Variants in CADM4 observed in about 807,000 individuals in gnomAD.
CADM4 encodes TSLC1-like 2.
A neutral mutation model predicts 43.9 loss-of-function variants in CADM4; 13 were observed. The observed-to-expected ratio is 0.30, with a 90% CI of 0.19 to 0.47. CADM4 has a LOEUF of 0.47. Ranked by LOEUF, CADM4 falls within the 20% of genes least tolerant of loss-of-function variation. The pLI, the probability that CADM4 is intolerant of heterozygous loss-of-function variation, is 1.00. For synonymous variants in CADM4, 209 were observed against 220.9 expected (o/e 0.95, Z 0.48); for missense variants, 420 against 527.0 (o/e 0.80, Z 1.99).
intron 1 of CADM4, among the ~76,000 whole-genome samples, chr19:43,628,068 G>T (rs982687915): frequency 2.0e-5 from 3 of 152,120 alleles, no homozygotes; most frequent in Non-Finnish European, 2.9e-5. Context: ...TTATAGAATT[G>T]CCTAGAGAGA....
chr19:43,625,115 G>C lies in CADM4; in HGVS notation c.891C>G (p.His297Gln), dbSNP rs1973502331. The change falls in exon 7 of 9, where the codon CAC (histidine) becomes CAG (glutamine). Residue 297 changes from histidine to glutamine, a missense_variant. His to Gln is a conservative substitution (Grantham distance 24, BLOSUM62 0). Transcript: ENST00000222374. The surrounding 1 kb of genome is among the most constrained non-coding windows in gnomAD (Gnocchi z 4.5). ...GTYTCEASNK[H>Q]GHARALYVLV... is the part of the protein sequence containing the mutation. ...GTACGTAGAGCGCCCTCGCATGGCC[G>C]TGCTTATTGGACGCCTCGCAAGTGT... 6.4e-7 allele frequency: 1 copy of C among 1,567,528 alleles called. No individual in the cohort carries two copies. Among genetic ancestry groups the C allele is most frequent in the East Asian group, 2.4e-5 (1 of 41,054 alleles).
upstream of CADM4, chr19:43,639,868 C>T: frequency 5.1e-6 from 5 of 973,266 alleles, no homozygotes; most frequent in Non-Finnish European, 6.1e-6. Context: ...CCGCCCCCCG[C>T]GCCCCGCCCC....
chr19:43,639,721 C>A lies in CADM4; in HGVS notation c.64+6G>T. 2.0e-6 allele frequency: 2 copies of A among 1,004,388 alleles called. No homozygotes were observed. Among genetic ancestry groups the A allele is most frequent in the South Asian group, 3.9e-5 (1 of 25,856 alleles). The allele number at this position is 1,004,388 out of a possible 1,614,324, so 62.2% of individuals were successfully genotyped here. On this transcript the variant is annotated splice_donor_region_variant and intron_variant, in intron 1 of 8. Coordinates refer to ENST00000222374, the MANE Select transcript of CADM4 (RefSeq NM_145296.2). Reference sequence around the variant, plus strand: ...CCGGCCGGCCGACCCCGGCCCCCGACCCTACCTGGCCCCGCCGCGGCCGCC... The same window carrying A: ...CCGGCCGGCCGACCCCGGCCCCCGAACCTACCTGGCCCCGCCGCGGCCGCC...
In CADM4 at chr19:43,626,653, G is replaced by A; in HGVS notation, c.499+131C>T. On this transcript the variant is annotated intron_variant, in intron 4 of 8. Coordinates refer to ENST00000222374, the MANE Select transcript of CADM4 (RefSeq NM_145296.2). The surrounding 1 kb of genome is among the most constrained non-coding windows in gnomAD (Gnocchi z 5.9). ...GCTAGGACTACAGGCGTGAGCCACCGCGCTCGACATCAACCACTACATATT... is the reference window on the plus strand; with the variant it reads ...GCTAGGACTACAGGCGTGAGCCACCACGCTCGACATCAACCACTACATATT... 8.0e-7 allele frequency: 1 copy of A among 1,247,964 alleles called. No individual in the cohort carries two copies. Among genetic ancestry groups the A allele is most frequent in the East Asian group, 2.5e-5 (1 of 39,862 alleles). 77.3% of individuals were successfully genotyped at this position (1,247,964 alleles called of 1,614,324 possible).
At chr19:43,637,153 T>C (rs1973715652) in intron 1 of CADM4, among the ~76,000 whole-genome samples, 1 of 152,096 alleles carries the variant, frequency 6.6e-6, no homozygotes, top group Non-Finnish European at 1.5e-5. Flanking sequence ...GGCATAAATC[T>C]CATCTTCTTC....
chr19:43,631,256 G>A (rs544201928), intron 1 of CADM4, among the ~76,000 whole-genome samples: 2 of 151,944 alleles, frequency 1.3e-5, no homozygotes, highest in East Asian at 1.9e-4. Flanking sequence ...CATAAGAATC[G>A]CTTGAACCTG....
chr19:43,637,376 C>T (rs1017143002), intron 1 of CADM4, among the ~76,000 whole-genome samples: 4 of 152,122 alleles, frequency 2.6e-5, no homozygotes, highest in African/African-American at 7.2e-5. Context: ...AGGAAGGGCC[C>T]TCCAAGACCA....
rs62114101 is a variant in CADM4, at chr19:43,625,731, A to C, written c.755+180T>G. Among the ~76,000 whole-genome samples, 6,648 of 151,802 alleles carry C rather than the reference A, an allele frequency of 0.044. 174 individuals carry two copies. Among genetic ancestry groups the C allele is most frequent in the South Asian group, 0.092 (440 of 4,778 alleles). On this transcript the variant is annotated intron_variant, in intron 6 of 8. Transcript: ENST00000222374. The surrounding 1 kb of genome is among the most constrained non-coding windows in gnomAD (Gnocchi z 4.5). The stretch of plus-strand genomic sequence containing the variant: ...CCAGGAGTCCAGGTCCCAGATCCCT[A>C]TTCGTCCAGGTCCCCAGCTCTCTCC...
At chr19:43,634,506 G>T (rs1018837671) in intron 1 of CADM4, among the ~76,000 whole-genome samples, 3 of 151,940 alleles carry the variant, frequency 2.0e-5, no homozygotes, top group African/African-American at 7.3e-5. Context: ...GTGAGGGTGG[G>T]GGTCTTTTGT....
Position 43,625,896 on chromosome 19 carries a change from G to GC in CADM4, c.755+14dup. The GC allele has an allele frequency of 6.2e-7, 1 of 1,607,724 alleles. No homozygotes were observed. Among genetic ancestry groups the GC allele is most frequent in the Non-Finnish European group, 8.5e-7 (1 of 1,174,260 alleles). On this transcript the variant is annotated intron_variant, in intron 6 of 8. Coordinates refer to ENST00000222374, the MANE Select transcript of CADM4 (RefSeq NM_145296.2). This position sits in a 1 kb window ranked among gnomAD's most constrained non-coding sequence, Gnocchi z 4.5. The stretch of plus-strand genomic sequence containing the variant: ...CTTTCTCCTCCTGAGGACGCAGGAG[G>GC]CCCCCAGAGCTCACCTGGGGTTCCC...
intron 1 of CADM4, among the ~76,000 whole-genome samples, chr19:43,630,986 G>A (rs767797991): frequency 2.1e-4 from 32 of 152,166 alleles, no homozygotes; most frequent in Non-Finnish European, 3.4e-4. Flanking sequence ...AGTCAGAGAT[G>A]AGTTAGATGA....
At chr19:43,632,411 G>A (rs1001648252) in intron 1 of CADM4, among the ~76,000 whole-genome samples, 1 of 152,082 alleles carries the variant, frequency 6.6e-6, no homozygotes, top group African/African-American at 2.4e-5. Context: ...TGGCCGGATC[G>A]ATTTTTCAAA....
Position 43,627,740 on chromosome 19 carries a change from C to T in CADM4, c.115G>A (p.Val39Met). The T allele has an allele frequency of 2.5e-6, 4 of 1,614,062 alleles. No individual in the cohort carries two copies. Among genetic ancestry groups the T allele is most frequent in the Non-Finnish European group, 3.4e-6 (4 of 1,179,942 alleles). ...TENVTVAEGG[V>M]AEITCRLHQY... Reference sequence around the variant, plus strand: ...TGCAGACGGCAGGTGATCTCAGCCACCCCACCCTCAGCCACTGTCACGTTC... The same window carrying T: ...TGCAGACGGCAGGTGATCTCAGCCATCCCACCCTCAGCCACTGTCACGTTC... The change falls in exon 2 of 9, where the codon GTG becomes ATG. Residue 39 changes from valine to methionine, a missense_variant. Transcript: ENST00000222374. This position sits in a 1 kb window ranked among gnomAD's most constrained non-coding sequence, Gnocchi z 4.0.
At chr19:43,635,153 T>C (rs901671640) in intron 1 of CADM4, among the ~76,000 whole-genome samples, 1 of 151,372 alleles carries the variant, frequency 6.6e-6, no homozygotes, top group Non-Finnish European at 1.5e-5. Context: ...GGGGAGCGCT[T>C]CCTGGGTCCT....
chr19:43,629,763 C>A (rs1037046534), intron 1 of CADM4, among the ~76,000 whole-genome samples: 4 of 151,770 alleles, frequency 2.6e-5, no homozygotes, highest in African/African-American at 9.7e-5. Context: ...GAATTACAGG[C>A]ATGCACCACC....
chr19:43,628,421 C>T (rs1266539359), intron 1 of CADM4, among the ~76,000 whole-genome samples: 15 of 148,278 alleles, frequency 1.0e-4, no homozygotes, highest in African/African-American at 1.7e-4. Context: ...GGCGACAGAG[C>T]GAGACTCTGT....
Position 43,627,745 on chromosome 19 carries a change from C to T in CADM4, c.110G>A (p.Gly37Asp), listed in dbSNP as rs1297451180. The T allele has an allele frequency of 1.2e-6, 2 of 1,613,966 alleles. No homozygotes were observed. Among genetic ancestry groups the T allele is most frequent in the African/African-American group, 1.3e-5 (1 of 74,914 alleles). ...VQTENVTVAE[G>D]GVAEITCRLH... ...ACGGCAGGTGATCTCAGCCACCCCA[C>T]CCTCAGCCACTGTCACGTTCTCTGT... The change falls in exon 2 of 9, where the codon GGT (glycine) becomes GAT (aspartate). Residue 37 changes from glycine (G) to aspartate (D), a missense_variant. Gly to Asp is a moderately conservative substitution (Grantham distance 94). Coordinates refer to ENST00000222374, the MANE Select transcript of CADM4 (RefSeq NM_145296.2). The surrounding 1 kb of genome is among the most constrained non-coding windows in gnomAD (Gnocchi z 4.0).
At chr19:43,638,410 C>T (rs1452174948) in intron 1 of CADM4, among the ~76,000 whole-genome samples, 1 of 152,266 alleles carries the variant, frequency 6.6e-6, no homozygotes, top group Non-Finnish European at 1.5e-5. Context: ...CCGCCAGCCC[C>T]ATGCCACCTG....
Position 43,625,206 on chromosome 19 carries a change from T to C in CADM4, c.800A>G (p.Glu267Gly). ...CGTCTCTCCCACGGCCTCCGCCCTC[T>C]CCGGCAAAGACTCATTCCCGCGGTT... The part of the protein sequence containing the change: ...RWNRGNESLP[E>G]RAEAVGETLT... The change falls in exon 7 of 9, where the codon GAG becomes GGG. Residue 267 changes from glutamate (E) to glycine (G), a missense_variant. Glu to Gly is a moderately conservative substitution (Grantham distance 98). Transcript: ENST00000222374. The surrounding 1 kb of genome is among the most constrained non-coding windows in gnomAD (Gnocchi z 4.5). The C allele has an allele frequency of 6.2e-7, 1 of 1,614,170 alleles. No individual in the cohort carries two copies. Among genetic ancestry groups the C allele is most frequent in the Non-Finnish European group, 8.5e-7 (1 of 1,180,026 alleles).
Sources: allele counts gnomAD v4.1 joint callset (sites outside exome capture counted in the v4.1 genomes callset), GRCh38; gene constraint gnomAD v4.1.1; non-coding constraint Gnocchi (gnomAD v3.1); transcripts MANE v1.5; gene names NCBI Gene and HGNC (gene_info 2026-07-23, HGNC 2026-07-21).